IMMP2L: variants seen among roughly 807,000 people sequenced by gnomAD.
The protein encoded by IMMP2L is mitochondrial inner membrane protease subunit 2.
IMMP2L carries 18 observed loss-of-function variants against 19.3 expected under a neutral mutation model. The observed-to-expected ratio is 0.93, with a 90% CI of 0.64 to 1.38. The LOEUF is 1.38. Ranked by LOEUF, IMMP2L falls within the 40% of genes most tolerant of loss-of-function variation. The pLI, the probability that IMMP2L is intolerant of heterozygous loss-of-function variation, is 0.00. For missense variants in IMMP2L, 233 were observed against 218.2 expected, an observed-to-expected ratio of 1.07 and a Z score of -0.43; for synonymous variants, 76 against 73.0, an observed-to-expected ratio of 1.04 and a Z score of -0.21.
At chr7:110,902,257 A>G (rs1160655868) in intron 4 of IMMP2L, among the ~76,000 whole-genome samples, 1 of 151,900 alleles carries the variant, frequency 6.6e-6, no homozygotes, top group East Asian at 1.9e-4. Flanking sequence ...AAATATAATA[A>G]TGATATTAAC....
At chr7:110,738,063 CCT>C (rs1796753411) in intron 5 of IMMP2L, among the ~76,000 whole-genome samples, 2 of 152,162 alleles carry the variant, frequency 1.3e-5, no homozygotes, top group South Asian at 4.1e-4. Context: ...CACAGCAGCC[CCT>C]GAGTCCCAGA....
chr7:111,406,492 C>A (rs751797401), intron 3 of IMMP2L, among the ~76,000 whole-genome samples: 15 of 152,038 alleles, frequency 9.9e-5, no homozygotes, highest in Admixed American at 2.0e-4. Flanking sequence ...GAAAACACTT[C>A]AAAAGCCATG....
chr7:111,355,802 C>A (rs1263342776), intron 3 of IMMP2L, among the ~76,000 whole-genome samples: 2 of 151,678 alleles, frequency 1.3e-5, no homozygotes, highest in African/African-American at 2.4e-5. Flanking sequence ...TTTGATTTTG[C>A]TTCATATTTC....
At chr7:111,210,084 TC>T (rs1811153806) in intron 3 of IMMP2L, among the ~76,000 whole-genome samples, 2 of 152,276 alleles carry the variant, frequency 1.3e-5, no homozygotes, top group South Asian at 2.1e-4. Flanking sequence ...TCCTTGTATC[TC>T]CTTTTGGTTG....
chr7:111,279,034 T>C (rs899600986), intron 3 of IMMP2L, among the ~76,000 whole-genome samples: 1 of 152,156 alleles, frequency 6.6e-6, no homozygotes, highest in Non-Finnish European at 1.5e-5. Context: ...TTAACCTAAG[T>C]AGTCTATTGA....
intron 3 of IMMP2L, among the ~76,000 whole-genome samples, chr7:111,202,001 C>A (rs1810192387): frequency 6.6e-6 from 1 of 152,102 alleles, no homozygotes; most frequent in African/African-American, 2.4e-5. Context: ...GTTAAAGCAG[C>A]CCAAATAGAT....
At chr7:110,775,371 G>A (rs923308038) in intron 5 of IMMP2L, among the ~76,000 whole-genome samples, 3 of 151,384 alleles carry the variant, frequency 2.0e-5, no homozygotes, top group African/African-American at 4.9e-5. Flanking sequence ...AATTGCTATG[G>A]GTAGTGTCAC....
At chr7:111,049,874 G>C (rs1012814947) in intron 3 of IMMP2L, among the ~76,000 whole-genome samples, 3 of 152,160 alleles carry the variant, frequency 2.0e-5, no homozygotes, top group African/African-American at 4.8e-5. Context: ...TGTTCCGTGA[G>C]TCCCACCGCC....
chr7:111,296,265 G>T (rs1468936494), intron 3 of IMMP2L, among the ~76,000 whole-genome samples: 2 of 151,740 alleles, frequency 1.3e-5, no homozygotes, highest in East Asian at 1.9e-4. Flanking sequence ...CATTTGAAAA[G>T]ATGCTCACAT....
intron 2 of IMMP2L, among the ~76,000 whole-genome samples, 170 bp from the exon 3 acceptor site, chr7:111,487,511 T>C (rs1585310353): frequency 6.6e-6 from 1 of 152,206 alleles, no homozygotes; most frequent in East Asian, 1.9e-4. Flanking sequence ...AAAGGCTCAC[T>C]GGGATTCTTC....
chr7:111,530,408 G>A (rs970856201), intron 1 of IMMP2L, among the ~76,000 whole-genome samples: 1 of 152,150 alleles, frequency 6.6e-6, no homozygotes, highest in Non-Finnish European at 1.5e-5. Context: ...TCTTCTAGGT[G>A]ATAAGACACC....
intron 3 of IMMP2L, among the ~76,000 whole-genome samples, chr7:111,194,463 T>C (rs1229261725): frequency 6.6e-6 from 1 of 152,108 alleles, no homozygotes; most frequent in Non-Finnish European, 1.5e-5. Context: ...CACCTGTTTA[T>C]AACATTTGTA....
At chr7:110,820,543 A>T (rs1802929453) in intron 5 of IMMP2L, among the ~76,000 whole-genome samples, 2 of 152,018 alleles carry the variant, frequency 1.3e-5, no homozygotes, top group South Asian at 2.1e-4. Context: ...TATATGTTTC[A>T]TATTATGAGT....
chr7:111,134,788 C>T (rs561842472), intron 3 of IMMP2L, among the ~76,000 whole-genome samples: 1 of 152,106 alleles, frequency 6.6e-6, no homozygotes, highest in South Asian at 2.1e-4. Flanking sequence ...TCACATCCAC[C>T]TTCCTGTGAC....
At chr7:111,262,271 G>C (rs1291014746) in intron 3 of IMMP2L, among the ~76,000 whole-genome samples, 2 of 152,112 alleles carry the variant, frequency 1.3e-5, no homozygotes, top group East Asian at 1.9e-4. Context: ...ATGCTGGAAA[G>C]AGGAAGAGGA....
At chr7:111,181,596 A>G (rs1238148674) in intron 3 of IMMP2L, among the ~76,000 whole-genome samples, 1 of 152,032 alleles carries the variant, frequency 6.6e-6, no homozygotes, top group Admixed American at 6.6e-5. Context: ...CAATAAGAGG[A>G]ATAAATGAAG....
At chr7:110,964,603 A>G (rs1401468818) in intron 3 of IMMP2L, among the ~76,000 whole-genome samples, 1 of 152,004 alleles carries the variant, frequency 6.6e-6, no homozygotes, top group Non-Finnish European at 1.5e-5. Flanking sequence ...CTCTAAATAA[A>G]TCTCTGCCTC....
chr7:111,474,484 C>T (rs1445712273), intron 3 of IMMP2L, among the ~76,000 whole-genome samples: 3 of 151,776 alleles, frequency 2.0e-5, no homozygotes, highest in Non-Finnish European at 4.4e-5. Flanking sequence ...GCCAATATTC[C>T]CCTAGCACCT....
chr7:110,719,132 A>G (rs1278131913), intron 5 of IMMP2L, among the ~76,000 whole-genome samples: 1 of 152,222 alleles, frequency 6.6e-6, no homozygotes, highest in Non-Finnish European at 1.5e-5. Flanking sequence ...AAGGTGAGAG[A>G]TTCAAAACAA....
Sources: gnomAD v4.1 joint callset for allele counts (sites outside exome capture counted in the v4.1 genomes callset) on GRCh38, gnomAD v4.1.1 for gene constraint, MANE v1.5 for transcripts, NCBI Gene and HGNC (gene_info 2026-07-23, HGNC 2026-07-21) for gene names.